The following MAGI2 variants were observed in gnomAD, a reference collection of about 807,000 sequenced individuals.
MAGI2 encodes the protein membrane-associated guanylate kinase, WW and PDZ domain-containing protein 2.
MAGI2 carries 35 observed loss-of-function variants against 133.3 expected under a neutral mutation model. That is an observed-to-expected ratio of 0.26 (90% confidence interval 0.20 to 0.35). The LOEUF is 0.35. Ranked by LOEUF, MAGI2 falls within the 10% of genes least tolerant of loss-of-function variation. The probability of loss-of-function intolerance (pLI) is 1.00; values close to 1 mark genes in which losing one functional copy is unlikely to be tolerated. For synonymous variants in MAGI2, 729 were observed against 710.6 expected (o/e 1.03, Z -0.41); for missense variants, 1,636 against 1,863.4 (o/e 0.88, Z 2.25).
chr7:78,833,452 T>A (rs1280856250), intron 2 of MAGI2, among the ~76,000 whole-genome samples: 1 of 152,160 alleles, frequency 6.6e-6, no homozygotes, highest in East Asian at 1.9e-4. Context: ...ATCTTGTGTG[T>A]GTCTATTATT....
chr7:78,810,700 T>C (rs754883357), intron 2 of MAGI2, among the ~76,000 whole-genome samples: 6 of 152,098 alleles, frequency 3.9e-5, no homozygotes, highest in Non-Finnish European at 5.9e-5. Flanking sequence ...TGACTCCCAA[T>C]ACAATTTTAG....
chr7:78,782,010 G>T (rs772825405), intron 2 of MAGI2, among the ~76,000 whole-genome samples: 5 of 152,116 alleles, frequency 3.3e-5, no homozygotes, highest in Admixed American at 6.5e-5. Context: ...AATAGTGAAA[G>T]TAAAATTAAA....
At chr7:79,052,292 C>T (rs1336102766) in intron 1 of MAGI2, among the ~76,000 whole-genome samples, 4 of 152,132 alleles carry the variant, frequency 2.6e-5, no homozygotes, top group African/African-American at 4.8e-5. Flanking sequence ...TCCCAATAAT[C>T]GGGACTGATT....
In MAGI2 at chr7:78,083,507, C is replaced by T. The variant is rs1378690383; in HGVS notation, c.3568-4422G>A. On this transcript the variant is annotated intron_variant, in intron 20 of 21. Transcript: ENST00000354212. The stretch of plus-strand genomic sequence containing the variant: ...TCTGTGTGCACTGCATTATGTGGGT[C>T]AAGGAAATGCCAAATTTAGGAAACT... Among the ~76,000 whole-genome samples, 6 of 151,302 alleles carry T rather than the reference C, an allele frequency of 4.0e-5. No individual in the cohort carries two copies. The East Asian group carries it at 1.2e-3, about 29-fold the overall frequency.
intron 9 of MAGI2, among the ~76,000 whole-genome samples, chr7:78,328,502 A>AACAAACACACACACACACACACAC (rs1554346528): frequency 1.9e-5 from 2 of 105,098 alleles, no homozygotes; most frequent in African/African-American, 8.0e-5. Context: ...CCAGCTCTAA[A>AACAAACACACACACACACACACAC]ACACACACAC....
intron 2 of MAGI2, among the ~76,000 whole-genome samples, chr7:78,927,264 T>A (rs993515): frequency 0.094 from 14,301 of 151,962 alleles, 1,537 homozygotes; most frequent in African/African-American, 0.23. Context: ...TACCCAATAT[T>A]TTTTGAGCTT....
intron 2 of MAGI2, among the ~76,000 whole-genome samples, chr7:78,998,571 T>G (rs922069615): frequency 6.6e-6 from 1 of 152,174 alleles, no homozygotes; most frequent in Admixed American, 6.5e-5. Context: ...GGGTAGTTGC[T>G]TCTTACCATA....
At chr7:79,022,689 AT>A (rs1169297688) in intron 1 of MAGI2, among the ~76,000 whole-genome samples, 1 of 150,054 alleles carries the variant, frequency 6.7e-6, no homozygotes, top group Non-Finnish European at 1.5e-5. Context: ...CAAAGGGGAC[AT>A]TACAACTGGC....
At chr7:78,536,103 C>CT (rs544655465) in intron 3 of MAGI2, among the ~76,000 whole-genome samples, 19,922 of 59,546 alleles carry the variant, frequency 0.33, 7,408 homozygotes, top group East Asian at 0.54. Flanking sequence ...ATGAATTAAA[C>CT]TTTTTTTTTT....
intron 3 of MAGI2, chr7:78,616,467 G>T (rs893810332): frequency 6.6e-6 from 1 of 152,012 alleles, no homozygotes; most frequent in African/African-American, 2.4e-5. Context: ...GTGATTGAAG[G>T]TATAGTTTTG....
chr7:78,192,932 G>A (rs1031884044), intron 12 of MAGI2, among the ~76,000 whole-genome samples: 4 of 152,108 alleles, frequency 2.6e-5, no homozygotes, highest in African/African-American at 4.8e-5. Flanking sequence ...CTGTCCCTGC[G>A]GCTGTAGAGG....
At chr7:78,382,659 A>G (rs1795031872) in intron 6 of MAGI2, among the ~76,000 whole-genome samples, 1 of 152,086 alleles carries the variant, frequency 6.6e-6, no homozygotes, top group Admixed American at 6.6e-5. Flanking sequence ...GTACAATACA[A>G]TTTTAAGTAC....
chr7:79,000,476 A>G (rs557664576), intron 2 of MAGI2: 1 of 152,316 alleles, frequency 6.6e-6, no homozygotes, highest in African/African-American at 2.4e-5. Flanking sequence ...AAAGTATACT[A>G]GAAAGCTCTG....
intron 2 of MAGI2, among the ~76,000 whole-genome samples, chr7:78,827,707 AT>A (rs1436627230): frequency 6.6e-6 from 1 of 152,216 alleles, no homozygotes; most frequent in East Asian, 1.9e-4. Context: ...CATAAATATA[AT>A]AATATTGAAA....
intron 1 of MAGI2, among the ~76,000 whole-genome samples, chr7:79,350,885 T>A (rs1312386949): frequency 6.6e-6 from 1 of 152,114 alleles, no homozygotes; most frequent in Non-Finnish European, 1.5e-5. Flanking sequence ...ATGAGGGAAA[T>A]CTATGTCCCT....
intron 15 of MAGI2, among the ~76,000 whole-genome samples, chr7:78,164,726 T>C (rs1035703692): frequency 2.6e-5 from 4 of 152,260 alleles, no homozygotes; most frequent in Admixed American, 6.5e-5. Context: ...AAGATGCTGA[T>C]AGCTTTAAGA....
intron 1 of MAGI2, among the ~76,000 whole-genome samples, chr7:79,400,262 T>C (rs537072558): frequency 1.5e-4 from 23 of 152,216 alleles, no homozygotes; most frequent in Admixed American, 3.3e-4. Context: ...CAACTTTCTG[T>C]TGTTTGTATA....
At chr7:79,261,180 C>A (rs1834059751) in intron 1 of MAGI2, among the ~76,000 whole-genome samples, 1 of 152,170 alleles carries the variant, frequency 6.6e-6, no homozygotes, top group Admixed American at 6.5e-5. Flanking sequence ...GCCCAAGAAC[C>A]TGGATTGAAT....
intron 2 of MAGI2, among the ~76,000 whole-genome samples, chr7:78,729,356 A>G (rs551523106): frequency 1.8e-4 from 28 of 152,322 alleles, no homozygotes; most frequent in African/African-American, 6.0e-4. Context: ...GGTGGGATCA[A>G]AGACAAACAG....
Sources: gnomAD v4.1 joint callset for allele counts (sites outside exome capture counted in the v4.1 genomes callset) on GRCh38, gnomAD v4.1.1 for gene constraint, MANE v1.5 for transcripts, NCBI Gene and HGNC (gene_info 2026-07-23, HGNC 2026-07-21) for gene names.